Variants in INPP4B observed in about 807,000 individuals in gnomAD.
The protein encoded by INPP4B is inositol polyphosphate 4-phosphatase type II.
INPP4B carries 55 observed loss-of-function variants against 122.5 expected under a neutral mutation model. The ratio of observed to expected loss-of-function variants is 0.45; its 90% CI spans 0.36 to 0.56. INPP4B has a LOEUF of 0.56. Ranked by LOEUF, INPP4B falls within the 20% of genes least tolerant of loss-of-function variation. The pLI is 0.00. For missense variants in INPP4B, 1,000 were observed against 1,097.7 expected, an observed-to-expected ratio of 0.91 and a Z score of 1.26; for synonymous variants, 403 against 388.7, an observed-to-expected ratio of 1.04 and a Z score of -0.43.
At chr4:142,804,537 C>T (rs1034485558) in intron 1 of INPP4B, among the ~76,000 whole-genome samples, 1 of 152,156 alleles carries the variant, frequency 6.6e-6, no homozygotes, top group African/African-American at 2.4e-5. Flanking sequence ...AAGTTACAAC[C>T]GTCCTACCCT....
At chr4:142,109,674 C>T (rs1789005606) in intron 22 of INPP4B, among the ~76,000 whole-genome samples, 1 of 152,180 alleles carries the variant, frequency 6.6e-6, no homozygotes, top group Non-Finnish European at 1.5e-5. Context: ...CTCTATGATA[C>T]TTCCCCCACG....
At chr4:142,300,818 C>T (rs952779326) in intron 9 of INPP4B, among the ~76,000 whole-genome samples, 1 of 151,988 alleles carries the variant, frequency 6.6e-6, no homozygotes, top group African/African-American at 2.4e-5. Flanking sequence ...CATAAAAACA[C>T]TACTGTAAAT....
chr4:142,212,387 T>A (rs950806129), intron 12 of INPP4B, among the ~76,000 whole-genome samples: 2 of 152,228 alleles, frequency 1.3e-5, no homozygotes, highest in African/African-American at 2.4e-5. Context: ...GCATTTCAGC[T>A]GGTCTGAGTT....
At chr4:142,722,781 C>A (rs1182150902) in intron 2 of INPP4B, among the ~76,000 whole-genome samples, 1 of 152,072 alleles carries the variant, frequency 6.6e-6, no homozygotes, top group African/African-American at 2.4e-5. Context: ...GACATAGAAC[C>A]TAATTTCGGC....
intron 10 of INPP4B, among the ~76,000 whole-genome samples, chr4:142,263,639 A>ACTAT (rs1741226592): frequency 2.4e-5 from 1 of 41,808 alleles, no homozygotes; most frequent in Non-Finnish European, 6.2e-5. Flanking sequence ...AAATTCGTAA[A>ACTAT]ATATATATAT....
intron 25 of INPP4B, among the ~76,000 whole-genome samples, chr4:142,057,099 T>C (rs765993980): frequency 1.4e-5 from 2 of 145,916 alleles, no homozygotes; most frequent in Non-Finnish European, 3.0e-5. Flanking sequence ...AGCGTACACA[T>C]ATTCCAGAAA....
At chr4:142,668,875 C>T (rs1172278909) in intron 2 of INPP4B, among the ~76,000 whole-genome samples, 1 of 151,010 alleles carries the variant, frequency 6.6e-6, no homozygotes, top group Non-Finnish European at 1.5e-5. Context: ...GGTGAAACCC[C>T]ATCTCCACTA....
chr4:142,280,057 CT>C (rs1323667716), intron 9 of INPP4B, among the ~76,000 whole-genome samples: 1 of 151,530 alleles, frequency 6.6e-6, no homozygotes, highest in Admixed American at 6.6e-5. Flanking sequence ...TGAGACGCCA[CT>C]TTAACACCCT....
intron 25 of INPP4B, among the ~76,000 whole-genome samples, chr4:142,061,003 G>A (rs1760357654): frequency 6.6e-6 from 1 of 152,186 alleles, no homozygotes; most frequent in African/African-American, 2.4e-5. Context: ...AAGAGCAGGA[G>A]TTGGACCGAC....
chr4:142,667,880 C>A (rs572258949), intron 2 of INPP4B, among the ~76,000 whole-genome samples: 1 of 152,120 alleles, frequency 6.6e-6, no homozygotes, highest in South Asian at 2.1e-4. Flanking sequence ...AGCTATAAGC[C>A]AAGTAAGAAG....
chr4:142,505,736 T>C (rs1349189563), intron 2 of INPP4B, among the ~76,000 whole-genome samples: 2 of 152,200 alleles, frequency 1.3e-5, no homozygotes, highest in African/African-American at 4.8e-5. Flanking sequence ...CATAAGTGAT[T>C]GGAAACCATG....
intron 2 of INPP4B, among the ~76,000 whole-genome samples, chr4:142,608,512 G>C (rs1357602764): frequency 6.6e-6 from 1 of 152,016 alleles, no homozygotes. Context: ...CATTGCACTT[G>C]AAATCCATCT....
chr4:142,053,574 A>C (rs2152403884), intron 25 of INPP4B, among the ~76,000 whole-genome samples: 1 of 107,272 alleles, frequency 9.3e-6, no homozygotes, highest in Admixed American at 1.1e-4. Context: ...TAAAAGTTAC[A>C]ATTGTACCTG....
intron 7 of INPP4B, among the ~76,000 whole-genome samples, chr4:142,336,904 T>G (rs1776808088): frequency 6.6e-6 from 1 of 152,354 alleles, no homozygotes; most frequent in Non-Finnish European, 1.5e-5. Context: ...ACCTCTTTTC[T>G]GAGACTTTCT....
At chr4:142,752,872 G>A (rs772063127) in intron 1 of INPP4B, among the ~76,000 whole-genome samples, 1 of 152,066 alleles carries the variant, frequency 6.6e-6, no homozygotes, top group East Asian at 1.9e-4. Context: ...ACAAAGGAAG[G>A]AACAGCATGT....
chr4:142,114,177 G>C (rs1242439468), intron 21 of INPP4B, among the ~76,000 whole-genome samples: 1 of 151,972 alleles, frequency 6.6e-6, no homozygotes, highest in Non-Finnish European at 1.5e-5. Context: ...GAATTCTATT[G>C]TATCGATATC....
chr4:142,607,483 T>A (rs1741511430), intron 2 of INPP4B, among the ~76,000 whole-genome samples: 1 of 152,094 alleles, frequency 6.6e-6, no homozygotes, highest in Non-Finnish European at 1.5e-5. Flanking sequence ...CTGGCTGACA[T>A]AAAGCTTGAT....
At chr4:142,224,747 G>A (rs558147771) in intron 12 of INPP4B, among the ~76,000 whole-genome samples, 27 of 151,372 alleles carry the variant, frequency 1.8e-4, no homozygotes, top group African/African-American at 4.4e-4. Flanking sequence ...ATAGAATACC[G>A]AATATCTGAA....
intron 4 of INPP4B, among the ~76,000 whole-genome samples, chr4:142,430,539 T>C (rs55804035): frequency 3.2e-4 from 48 of 152,210 alleles, no homozygotes; most frequent in African/African-American, 1.1e-3. Flanking sequence ...GCATAATTCA[T>C]GCTAAACAAT....
Sources: allele counts gnomAD v4.1 joint callset (sites outside exome capture counted in the v4.1 genomes callset), GRCh38; gene constraint gnomAD v4.1.1; transcripts MANE v1.5; gene names NCBI Gene and HGNC (gene_info 2026-07-23, HGNC 2026-07-21).